Variants in CCDC102B observed in about 807,000 individuals in gnomAD.
CCDC102B encodes the protein coiled-coil domain-containing protein 102B.
Under a neutral mutation model 57.4 loss-of-function variants are expected in CCDC102B, and 75 were observed. The observed-to-expected ratio is 1.31, with a 90% CI of 1.08 to 1.58. The LOEUF is 1.58. Among genes scored for constraint, CCDC102B ranks in the 40% most tolerant of loss-of-function variants. The pLI is 0.00. For synonymous variants in CCDC102B, 206 were observed against 201.9 expected (o/e 1.02, Z -0.17); for missense variants, 636 against 582.6 (o/e 1.09, Z -0.94).
rs1289056965 is a variant in CCDC102B at position 69,016,741 on chromosome 18, TC to T, written c.1434+5638del. On this transcript the variant is annotated intron_variant, in intron 7 of 7. Transcript: ENST00000360242. The stretch of plus-strand genomic sequence containing the variant: ...GTAAATTTCTTTAATCAGTCAGTCT[TC>T]TCTTGATGAAGGTCATTGGATTTTT... Among the ~76,000 whole-genome samples, 3 of 152,330 alleles carry T rather than the reference TC, an allele frequency of 2.0e-5. No individual in the cohort carries two copies. The East Asian group carries it at 5.8e-4, about 29-fold the overall frequency.
At chr18:68,747,969 T>C (rs539857129) in intron 2 of CCDC102B, among the ~76,000 whole-genome samples, 4 of 152,284 alleles carry the variant, frequency 2.6e-5, no homozygotes, top group Admixed American at 2.6e-4. Flanking sequence ...TTCACCATTT[T>C]AAATTTCCAC....
chr18:68,974,493 C>CT (rs2050382720), intron 6 of CCDC102B, among the ~76,000 whole-genome samples: 1 of 151,842 alleles, frequency 6.6e-6, no homozygotes, highest in Admixed American at 6.6e-5. Context: ...ATCTGTCCAC[C>CT]TTTTTTTCTA....
chr18:68,887,965 A>G (rs1229582848), intron 5 of CCDC102B, among the ~76,000 whole-genome samples: 1 of 152,208 alleles, frequency 6.6e-6, no homozygotes, highest in Admixed American at 6.5e-5. Flanking sequence ...TGTAGCACTC[A>G]GAGACAGACA....
intron 6 of CCDC102B, among the ~76,000 whole-genome samples, chr18:68,909,231 AATGT>A (rs1314207511): frequency 6.6e-6 from 1 of 152,168 alleles, no homozygotes; most frequent in Non-Finnish European, 1.5e-5. Flanking sequence ...AACAAAAGAA[AATGT>A]AAGGCAATTA....
chr18:68,720,757 G>T (rs1012584350), intron 2 of CCDC102B, among the ~76,000 whole-genome samples: 2 of 152,100 alleles, frequency 1.3e-5, no homozygotes, highest in Non-Finnish European at 2.9e-5. Context: ...TACAGTTGAC[G>T]TTGGAAATGG....
intron 2 of CCDC102B, among the ~76,000 whole-genome samples, chr18:68,746,802 A>T (rs2033638347): frequency 6.6e-6 from 1 of 152,028 alleles, no homozygotes; most frequent in Non-Finnish European, 1.5e-5. Flanking sequence ...TATTTAATGT[A>T]TGCAATTTTA....
At chr18:68,737,490 ATGTG>A (rs927944733) in intron 2 of CCDC102B, among the ~76,000 whole-genome samples, 119 of 150,696 alleles carry the variant, frequency 7.9e-4, no homozygotes, top group African/African-American at 2.8e-3. Flanking sequence ...TGGTGTGTGT[ATGTG>A]TGTGTGTCTG....
At position 69,054,962 on chromosome 18, in the gene CCDC102B, A is replaced by G. The variant is rs2052791724; in HGVS notation, c.*825A>G. 1.1e-5 allele frequency: 11 copies of G among 982,398 alleles called. No homozygotes were observed. The South Asian group carries it at 4.2e-4, about 38-fold the overall frequency. 60.9% of individuals were successfully genotyped at this position (982,398 alleles called of 1,614,324 possible). A position where few individuals can be genotyped will look rare whatever the true frequency, so the allele number is the denominator to read the frequency against. Reference sequence around the variant, plus strand: ...ATATTTCTTTAAAACTTTTATGTACATTATAGTTTATTGCTTCATATTTAA... The same window carrying G: ...ATATTTCTTTAAAACTTTTATGTACGTTATAGTTTATTGCTTCATATTTAA... On this transcript the variant is annotated 3_prime_UTR_variant, in exon 8 of 8. Coordinates refer to ENST00000360242, the MANE Select transcript of CCDC102B (RefSeq NM_024781.3).
rs758474022 is a variant in CCDC102B at position 68,897,394 on chromosome 18, A to G, written c.1229A>G (p.Lys410Arg). 12 of 1,611,958 alleles carry G rather than the reference A, an allele frequency of 7.4e-6. No homozygotes were observed. Among genetic ancestry groups the G allele is most frequent in the Middle Eastern group, 1.7e-4 (1 of 6,046 alleles). The change falls in exon 6 of 8, where the codon AAG becomes AGG. Residue 410 changes from lysine (K) to arginine (R), a missense_variant. Coordinates refer to ENST00000360242, the MANE Select transcript of CCDC102B (RefSeq NM_024781.3). ...LSANSQSPDF[K>R]MSQIDLQEKN... is the part of the protein sequence containing the mutation. ...GCAAACTCTCAAAGTCCTGATTTCA[A>G]GATGTCACAAATTGATCTGCAAGAA...
intron 2 of CCDC102B, chr18:68,721,175 C>T (rs1360245717): frequency 6.6e-6 from 1 of 152,224 alleles, no homozygotes; most frequent in Non-Finnish European, 1.5e-5. Context: ...AATTACTAGG[C>T]ATCTACTTAA....
chr18:69,049,034 TTTTC>T (rs1451331933), intron 7 of CCDC102B, among the ~76,000 whole-genome samples: 3 of 151,668 alleles, frequency 2.0e-5, no homozygotes, highest in Non-Finnish European at 4.4e-5. Flanking sequence ...GGTTTTAAGA[TTTTC>T]TTTCTTTTTT....
At position 68,837,305 on chromosome 18, in the gene CCDC102B, A is replaced by G. The variant is rs748219314; in HGVS notation, c.542A>G (p.His181Arg). 4.3e-6 allele frequency: 7 copies of G among 1,613,866 alleles called. No individual in the cohort carries two copies. The highest frequency in any genetic ancestry group is 5.9e-6 in the Non-Finnish European group (7 of 1,179,876). ...TDQFQLSSQM[H>R]ESIREYLVKR... is the part of the protein sequence containing the mutation. The stretch of plus-strand genomic sequence containing the variant: ...CAATTTCAATTGAGTTCACAAATGC[A>G]TGAGTCTATCAGAGAGTATTTGGTA... The change falls in exon 2 of 8, where the codon CAT becomes CGT. Residue 181 changes from histidine to arginine, a missense_variant. His to Arg is a conservative substitution (Grantham distance 29). Coordinates refer to ENST00000360242, the MANE Select transcript of CCDC102B (RefSeq NM_024781.3).
intron 6 of CCDC102B, among the ~76,000 whole-genome samples, chr18:68,988,816 T>G (rs2050791779): frequency 6.6e-6 from 1 of 152,168 alleles, no homozygotes; most frequent in South Asian, 2.1e-4. Flanking sequence ...TGAAATCAGG[T>G]TGGTTTGGAC....
At chr18:68,921,362 G>A (rs1221808771) in intron 6 of CCDC102B, among the ~76,000 whole-genome samples, 2 of 152,106 alleles carry the variant, frequency 1.3e-5, no homozygotes, top group African/African-American at 4.8e-5. Context: ...CTCTCTCTTT[G>A]CCTGATTAAC....
At chr18:68,896,443 G>C (rs893370239) in intron 5 of CCDC102B, among the ~76,000 whole-genome samples, 2 of 151,802 alleles carry the variant, frequency 1.3e-5, no homozygotes, top group Admixed American at 6.6e-5. Context: ...CATGGGAAGA[G>C]GGCAGAGGTT....
intron 2 of CCDC102B, among the ~76,000 whole-genome samples, chr18:68,736,659 G>A (rs778853161): frequency 2.0e-5 from 3 of 152,028 alleles, no homozygotes; most frequent in Non-Finnish European, 4.4e-5. Flanking sequence ...TTTACATGGA[G>A]GCAGCAAGAG....
intron 7 of CCDC102B, among the ~76,000 whole-genome samples, chr18:69,032,260 TGGA>T (rs2052166997): frequency 6.6e-6 from 1 of 152,198 alleles, no homozygotes; most frequent in Non-Finnish European, 1.5e-5. Context: ...TAGTGAATGA[TGGA>T]TTATTATTTC....
chr18:68,735,698 G>A (rs1478351438), intron 2 of CCDC102B, among the ~76,000 whole-genome samples: 1 of 152,102 alleles, frequency 6.6e-6, no homozygotes, highest in Non-Finnish European at 1.5e-5. Flanking sequence ...CTTACCAGGT[G>A]TCCTCATCAC....
At chr18:68,799,581 A>G (rs983125167) in intron 1 of CCDC102B, among the ~76,000 whole-genome samples, 2 of 152,178 alleles carry the variant, frequency 1.3e-5, no homozygotes, top group Non-Finnish European at 2.9e-5. Flanking sequence ...GAATTCTGCC[A>G]TAATGCCAAA....
Sources: allele counts gnomAD v4.1 joint callset (sites outside exome capture counted in the v4.1 genomes callset), GRCh38; gene constraint gnomAD v4.1.1; transcripts MANE v1.5; gene names NCBI Gene and HGNC (gene_info 2026-07-23, HGNC 2026-07-21).